Variants in IFT25 observed in about 807,000 individuals in gnomAD.
The protein encoded by IFT25 is intraflagellar transport protein 25 homolog.
the IFT25 span, among the ~76,000 whole-genome samples, chr1:53,943,404 CAACTG>C: frequency 1.3e-5 from 2 of 152,256 alleles, no homozygotes; most frequent in South Asian, 4.1e-4. Context: ...CAGTGGTTCT[CAACTG>C]GACTGGGTGT....
At chr1:53,928,645 C>T in the IFT25 span, 7 of 521,708 alleles carry the variant, frequency 1.3e-5, no homozygotes, top group Admixed American at 3.5e-5. Context: ...TCCAAATGTT[C>T]GCAACCATAC....
chr1:53,934,757 G>A, the IFT25 span, among the ~76,000 whole-genome samples: 1 of 152,316 alleles, frequency 6.6e-6, no homozygotes, highest in South Asian at 2.1e-4. Flanking sequence ...CAAGCACTCT[G>A]GGAGGCCAAG....
the IFT25 span, among the ~76,000 whole-genome samples, chr1:53,943,168 A>G: frequency 6.6e-6 from 1 of 152,214 alleles, no homozygotes; most frequent in Admixed American, 6.5e-5. Context: ...TTTCGTTCAA[A>G]GTAAAGATTT....
At chr1:53,928,895 C>T in the IFT25 span, 1 of 153,980 alleles carries the variant, frequency 6.5e-6, no homozygotes, top group African/African-American at 2.4e-5. Context: ...ATATACAGCT[C>T]ATAAGTGCCA....
the IFT25 span, among the ~76,000 whole-genome samples, chr1:53,926,018 C>T: frequency 2.7e-5 from 4 of 146,868 alleles, no homozygotes; most frequent in African/African-American, 7.6e-5. Context: ...AGGAGAATCA[C>T]TTGAACCTGG....
chr1:53,915,883 G>T, the IFT25 span, among the ~76,000 whole-genome samples: 7 of 152,130 alleles, frequency 4.6e-5, no homozygotes, highest in African/African-American at 1.4e-4. Context: ...GAGGACAAAT[G>T]AGAGTTTAAA....
chr1:53,937,791 A>G, the IFT25 span, among the ~76,000 whole-genome samples: 2,944 of 152,304 alleles, frequency 0.019, 72 homozygotes, highest in African/African-American at 0.065. Flanking sequence ...CTGGCAAACA[A>G]CTTAAGGCAA....
At chr1:53,944,195 G>C in the IFT25 span, among the ~76,000 whole-genome samples, 1 of 152,148 alleles carries the variant, frequency 6.6e-6, no homozygotes, top group African/African-American at 2.4e-5. Context: ...AATGAGAAGA[G>C]GCAACCAACC....
At chr1:53,930,457 T>C in the IFT25 span, among the ~76,000 whole-genome samples, 1 of 152,186 alleles carries the variant, frequency 6.6e-6, no homozygotes, top group Non-Finnish European at 1.5e-5. Flanking sequence ...ACCATTAAGT[T>C]ATAGTCTCTT....
chr1:53,946,298 G>C, the IFT25 span: 1 of 151,782 alleles, frequency 6.6e-6, no homozygotes, highest in African/African-American at 2.4e-5. Flanking sequence ...CCCGCCTCCA[G>C]GTCCGGCCCC....
chr1:53,935,517 C>T, the IFT25 span, among the ~76,000 whole-genome samples: 4 of 150,672 alleles, frequency 2.7e-5, no homozygotes, highest in Admixed American at 6.6e-5. Context: ...CTATGTAACT[C>T]TGTGAATAGG....
the IFT25 span, chr1:53,921,638 C>A: frequency 7.0e-7 from 1 of 1,429,382 alleles, no homozygotes; most frequent in African/African-American, 1.4e-5. Context: ...CATGCAAGAG[C>A]ATTTTGTTAT....
At chr1:53,940,483 A>G in the IFT25 span, among the ~76,000 whole-genome samples, 4 of 152,232 alleles carry the variant, frequency 2.6e-5, no homozygotes, top group Non-Finnish European at 5.9e-5. Flanking sequence ...TAGAAAACAA[A>G]TAGCAAGAAC....
the IFT25 span, among the ~76,000 whole-genome samples, chr1:53,926,966 C>A: frequency 7.2e-5 from 11 of 152,248 alleles, no homozygotes; most frequent in Admixed American, 7.2e-4. Flanking sequence ...CTCATGCAAT[C>A]CTCCTCCCTC....
the IFT25 span, chr1:53,928,454 C>T: frequency 3.1e-6 from 5 of 1,589,294 alleles, no homozygotes; most frequent in African/African-American, 1.3e-5. Flanking sequence ...ACATTGTAAA[C>T]AAAGTAAGTA....
chr1:53,941,278 C>T, the IFT25 span, among the ~76,000 whole-genome samples: 2,697 of 152,156 alleles, frequency 0.018, 60 homozygotes, highest in East Asian at 0.11. Context: ...CAGGTGTGAG[C>T]CACCGCGCCC....
chr1:53,918,312 T>C, the IFT25 span, among the ~76,000 whole-genome samples: 7 of 152,230 alleles, frequency 4.6e-5, no homozygotes, highest in Admixed American at 2.0e-4. Flanking sequence ...CATTTTGTTA[T>C]AATTACTAGG....
chr1:53,935,451 G>A, the IFT25 span, among the ~76,000 whole-genome samples: 1 of 152,188 alleles, frequency 6.6e-6, no homozygotes, highest in Non-Finnish European at 1.5e-5. Context: ...GGGGTTTCTT[G>A]TGTGGGGTTT....
the IFT25 span, among the ~76,000 whole-genome samples, chr1:53,933,413 C>T: frequency 0.022 from 3,320 of 152,270 alleles, 69 homozygotes; most frequent in Middle Eastern, 0.051. Flanking sequence ...GGATTGCAGG[C>T]GTGAGCCACC....
Sources: gnomAD v4.1 joint callset for allele counts (sites outside exome capture counted in the v4.1 genomes callset) on GRCh38, gnomAD v4.1.1 for gene constraint, MANE v1.5 for transcripts, NCBI Gene and HGNC (gene_info 2026-07-23, HGNC 2026-07-21) for gene names.